Variants in MORC3 observed in about 807,000 individuals in gnomAD.
The protein encoded by MORC3 is MORC family CW-type zinc finger protein 3.
Under a neutral mutation model 109.1 loss-of-function variants are expected in MORC3, and 31 were observed. The observed-to-expected ratio is 0.28, with a 90% CI of 0.21 to 0.38. The LOEUF (loss-of-function observed/expected upper bound fraction) is 0.38. Ranked by LOEUF, MORC3 falls within the 10% of genes least tolerant of loss-of-function variation. MORC3 has a pLI of 1.00. For synonymous variants in MORC3, 395 were observed against 380.7 expected, an observed-to-expected ratio of 1.04 and a Z score of -0.44; for missense variants, 867 against 1,135.8, an observed-to-expected ratio of 0.76 and a Z score of 3.40.
Position 36,369,588 on chromosome 21 carries a change from G to A in MORC3, c.2220G>A (p.Lys740=), listed in dbSNP as rs769338536. ...RILEMNDKYV[K]KETCHQSTET... ...TAGAAATGAATGACAAGTATGTTAAGAAAGAAACTTGCCATCAGTCCACTG... is the reference window on the plus strand; with the variant it reads ...TAGAAATGAATGACAAGTATGTTAAAAAAGAAACTTGCCATCAGTCCACTG... Residue 740 remains lysine, a synonymous_variant, in exon 15 of 17, where the codon AAG becomes AAA. Coordinates refer to ENST00000400485, the MANE Select transcript of MORC3 (RefSeq NM_015358.3). The A allele has an allele frequency of 6.2e-7, 1 of 1,614,208 alleles. No homozygotes were observed. Among genetic ancestry groups the A allele is most frequent in the Non-Finnish European group, 8.5e-7 (1 of 1,180,038 alleles).
chr21:36,339,744 G>A (rs1241819446), intron 5 of MORC3, among the ~76,000 whole-genome samples: 1 of 152,096 alleles, frequency 6.6e-6, no homozygotes, highest in Non-Finnish European at 1.5e-5. Flanking sequence ...AAAGATCTAA[G>A]ACATACTGAA....
Position 36,337,766 on chromosome 21 carries a change from C to A in MORC3, c.280C>A (p.His94Asn). Residue 94 changes from histidine to asparagine, a missense_variant, in exon 4 of 17, where the codon CAT (histidine) becomes AAT (asparagine). Physicochemically the swap from His to Asn is moderately conservative, Grantham distance 68. Transcript: ENST00000400485. ...CAGTGACAAAGTCACCATGAATGGT[C>A]ATGTCCCAGTTGGATTATATGGGAA... ...GFSDKVTMNGHVPVGLYGNGF... is the reference protein window; with the variant it reads ...GFSDKVTMNGNVPVGLYGNGF... 1 of 1,613,992 alleles carries A rather than the reference C, an allele frequency of 6.2e-7. No individual in the cohort carries two copies. The highest frequency in any genetic ancestry group is 1.1e-5 in the South Asian group (1 of 91,044).
Position 36,330,977 on chromosome 21 carries a change from A to G in MORC3, c.40-2669A>G, listed in dbSNP as rs868268468. Among the ~76,000 whole-genome samples, 6 of 152,224 alleles carry G rather than the reference A, an allele frequency of 3.9e-5. No individual in the cohort carries two copies. In the South Asian group the frequency reaches 6.2e-4, roughly 16 times the overall value. ...CTGCCAGAGCAAGTCTAAATTGCATATATACCAGTTTGAACAGTCTTCTTC... is the reference window on the plus strand; with the variant it reads ...CTGCCAGAGCAAGTCTAAATTGCATGTATACCAGTTTGAACAGTCTTCTTC... On this transcript the variant is annotated intron_variant, in intron 1 of 16. Transcript: ENST00000400485.
intron 15 of MORC3, among the ~76,000 whole-genome samples, chr21:36,370,633 A>ATTTTTTTTTTTTTTTTTT (rs2085848041): frequency 2.2e-5 from 1 of 46,480 alleles, no homozygotes; most frequent in Non-Finnish European, 3.8e-5. Context: ...ATATATATAT[A>ATTTTTTTTTTTTTTTTTT]TATATATTTT....
chr21:36,345,170 A>G (rs2085493528), intron 8 of MORC3, 139 bp downstream of exon 8: 1 of 912,114 alleles, frequency 1.1e-6, no homozygotes, highest in Non-Finnish European at 1.6e-6. Flanking sequence ...GTAAAAAATA[A>G]CACTGTGGTA....
intron 16 of MORC3, among the ~76,000 whole-genome samples, chr21:36,373,949 T>C (rs1050064836): frequency 6.6e-6 from 1 of 152,182 alleles, no homozygotes; most frequent in Admixed American, 6.5e-5. Context: ...TTTTAAAAAG[T>C]CTAGAATGTT....
chr21:36,360,626 C>T, intron 12 of MORC3: 1 of 262,924 alleles, frequency 3.8e-6, no homozygotes, highest in Non-Finnish European at 7.4e-6. Context: ...AAGCTCTGGT[C>T]CAGTGCTGTA....
chr21:36,356,354 G>T (rs905084911), intron 9 of MORC3, among the ~76,000 whole-genome samples: 3 of 151,094 alleles, frequency 2.0e-5, no homozygotes, highest in Non-Finnish European at 3.0e-5. Context: ...TTAATTTTTT[G>T]GATATTTCTG....
intron 10 of MORC3, among the ~76,000 whole-genome samples, chr21:36,359,743 C>T (rs1314219257): frequency 6.6e-6 from 1 of 151,592 alleles, no homozygotes; most frequent in East Asian, 2.0e-4. Context: ...TTTGTAGAGA[C>T]AGGGTTTCAC....
At chr21:36,325,415 C>T (rs1180320449) in intron 1 of MORC3, among the ~76,000 whole-genome samples, 2 of 152,162 alleles carry the variant, frequency 1.3e-5, no homozygotes. Context: ...TCACATTGTT[C>T]AGTTTGCTGA....
intron 8 of MORC3, among the ~76,000 whole-genome samples, chr21:36,347,578 T>C (rs2085523635): frequency 6.6e-6 from 1 of 152,208 alleles, no homozygotes; most frequent in Non-Finnish European, 1.5e-5. Context: ...AGATACCCAT[T>C]GTGATTTGCT....
At chr21:36,320,650 C>T (rs1215789825) in intron 1 of MORC3, 9 of 251,680 alleles carry the variant, frequency 3.6e-5, no homozygotes, top group Admixed American at 1.1e-4. Context: ...CCCTGACCCT[C>T]TTCTGTCCGC....
Position 36,344,669 on chromosome 21 carries a change from G to T in MORC3, c.847G>T (p.Ala283Ser). The T allele has an allele frequency of 1.2e-6, 2 of 1,614,018 alleles. No individual in the cohort carries two copies. Among genetic ancestry groups the T allele is most frequent in the Non-Finnish European group, 1.7e-6 (2 of 1,179,986 alleles). Residue 283 changes from alanine to serine, a missense_variant, in exon 7 of 17, where the codon GCC becomes TCC. Physicochemically the swap from Ala to Ser is moderately conservative, Grantham distance 99 (BLOSUM62 1). This residue lies in a region of MORC3 where 120 missense variants were observed against 259.7 expected (regional missense o/e 0.46). Coordinates refer to ENST00000400485, the MANE Select transcript of MORC3 (RefSeq NM_015358.3). ...GACACAGCTGGTTTCGAAGAGTCTTGCCTACATCGAACGTGATGTTTATCG... is the reference window on the plus strand; with the variant it reads ...GACACAGCTGGTTTCGAAGAGTCTTTCCTACATCGAACGTGATGTTTATCG... ...VKTQLVSKSL[A>S]YIERDVYRPK...
chr21:36,320,337 C>G (rs752525585), intron 1 of MORC3, 34 bp downstream of exon 1: 1 of 1,426,294 alleles, frequency 7.0e-7, no homozygotes, highest in Non-Finnish European at 9.3e-7. Context: ...CGGGCCGTGT[C>G]CCAGGAGGGC....
At chr21:36,365,692 C>T (rs1376777318) in intron 14 of MORC3, among the ~76,000 whole-genome samples, 1 of 152,140 alleles carries the variant, frequency 6.6e-6, no homozygotes, top group Admixed American at 6.5e-5. Flanking sequence ...GCGATTCCCC[C>T]ACCTCAGCGT....
intron 9 of MORC3, among the ~76,000 whole-genome samples, chr21:36,356,282 TAAATTATA>T (rs921059377): frequency 3.3e-5 from 5 of 152,350 alleles, no homozygotes; most frequent in African/African-American, 9.6e-5. Context: ...TTTATGGTAG[TAAATTATA>T]AAATAGACTA....
At chr21:36,358,842 G>C (rs2085678740) in intron 10 of MORC3, among the ~76,000 whole-genome samples, 1 of 151,882 alleles carries the variant, frequency 6.6e-6, no homozygotes, top group African/African-American at 2.4e-5. Context: ...ATCACGCATG[G>C]CTTATTTTTT....
At chr21:36,362,432 A>G (rs144986413) in intron 13 of MORC3, among the ~76,000 whole-genome samples, 1 of 152,020 alleles carries the variant, frequency 6.6e-6, no homozygotes, top group Admixed American at 6.5e-5. Flanking sequence ...AATCCCAGCT[A>G]CTCGGGAGGC....
At chr21:36,351,808 A>T (rs1238694756) in intron 9 of MORC3, among the ~76,000 whole-genome samples, 1 of 152,214 alleles carries the variant, frequency 6.6e-6, no homozygotes, top group Non-Finnish European at 1.5e-5. Flanking sequence ...TAGAATTACC[A>T]TATGATTGAA....
Sources: gnomAD v4.1 joint callset for allele counts (sites outside exome capture counted in the v4.1 genomes callset) on GRCh38, gnomAD v4.1.1 for gene constraint, gnomAD v4.1.1 regional missense constraint, MANE v1.5 for transcripts, NCBI Gene and HGNC (gene_info 2026-07-23, HGNC 2026-07-21) for gene names.